The following SVIL variants were observed in gnomAD, a reference collection of about 807,000 sequenced individuals.
The protein encoded by SVIL is archvillin.
Under a neutral mutation model 240.4 loss-of-function variants are expected in SVIL, and 101 were observed. The observed-to-expected ratio is 0.42, with a 90% CI of 0.36 to 0.50. The LOEUF (loss-of-function observed/expected upper bound fraction) is 0.50, where lower values mean the gene tolerates loss of function less well. Among genes scored for constraint, SVIL ranks in the 20% least tolerant of loss-of-function variants. The probability of loss-of-function intolerance (pLI) is 0.01; values close to 1 mark genes in which losing one functional copy is unlikely to be tolerated. For synonymous variants in SVIL, 999 were observed against 1,100.0 expected (o/e 0.91, Z 1.82); for missense variants, 2,512 against 2,818.7 (o/e 0.89, Z 2.46).
intron 1 of SVIL, among the ~76,000 whole-genome samples, chr10:29,596,102 C>A (rs187528293): frequency 6.6e-6 from 1 of 152,220 alleles, no homozygotes; most frequent in Non-Finnish European, 1.5e-5. Flanking sequence ...TTCTCCTTCA[C>A]GAGGATTCCT....
chr10:29,642,263 G>A (rs1262672401), intron 3 of SVIL, among the ~76,000 whole-genome samples: 1 of 152,016 alleles, frequency 6.6e-6, no homozygotes, highest in African/African-American at 2.4e-5. Context: ...GTCAGGTATG[G>A]TGGCTCGAGC....
chr10:29,689,360 C>T (rs922138053), intron 1 of SVIL, among the ~76,000 whole-genome samples: 3 of 152,162 alleles, frequency 2.0e-5, no homozygotes, highest in Non-Finnish European at 4.4e-5. Context: ...TCTCAGCTCT[C>T]TGCAACCTCC....
At chr10:29,713,189 GAA>G (rs935970272) in intron 1 of SVIL, among the ~76,000 whole-genome samples, 1 of 132,592 alleles carries the variant, frequency 7.5e-6, no homozygotes, top group Non-Finnish European at 1.6e-5. Flanking sequence ...AAAGAAAAAA[GAA>G]AAAAAAAAAC....
intron 20 of SVIL, among the ~76,000 whole-genome samples, chr10:29,494,043 C>T (rs984570916): frequency 3.9e-5 from 6 of 152,036 alleles, no homozygotes; most frequent in East Asian, 3.9e-4. Context: ...TGGTGGTGCA[C>T]GCCCATAGTC....
Position 29,522,653 on chromosome 10 carries a change from AAC to A in SVIL, c.3164-20_3164-19del, listed in dbSNP as rs1950636858. 6.2e-7 allele frequency: 1 copy of A among 1,611,088 alleles called. No individual in the cohort carries two copies. Reference sequence around the variant, plus strand: ...CTCTGCCGCTGGGAAGGAAAAGAGCAACATCAGCACTGAACTCCTCAGGCAAA... The same window carrying A: ...CTCTGCCGCTGGGAAGGAAAAGAGCAATCAGCACTGAACTCCTCAGGCAAA... On this transcript the variant is annotated intron_variant, in intron 15 of 37. Coordinates refer to ENST00000355867, the MANE Select transcript of SVIL (RefSeq NM_021738.3).
intron 29 of SVIL, among the ~76,000 whole-genome samples, chr10:29,478,915 A>C: frequency 8.3e-6 from 1 of 119,990 alleles, no homozygotes; most frequent in Admixed American, 9.4e-5. Flanking sequence ...ACAGAGTGAA[A>C]CCCTGTCTCA....
chr10:29,700,468 CTTTTTTTT>C (rs71281545), intron 1 of SVIL, among the ~76,000 whole-genome samples: 4 of 113,110 alleles, frequency 3.5e-5, no homozygotes, highest in Admixed American at 3.2e-4. Flanking sequence ...TTACTATTTC[CTTTTTTTT>C]TTTTTTTTTT....
intron 34 of SVIL, among the ~76,000 whole-genome samples, chr10:29,464,756 A>G (rs1198302742): frequency 2.0e-5 from 3 of 151,614 alleles, no homozygotes; most frequent in African/African-American, 7.3e-5. Flanking sequence ...TGCTGCCCTG[A>G]GATCCCGGTG....
At position 29,471,189 on chromosome 10, in the gene SVIL, C is replaced by G. The variant is rs778966626; in HGVS notation, c.5584G>C (p.Gly1862Arg). 1.2e-6 allele frequency: 2 copies of G among 1,613,934 alleles called. No individual in the cohort carries two copies. The highest frequency in any genetic ancestry group is 1.7e-6 in the Non-Finnish European group (2 of 1,179,932). Residue 1862 changes from glycine to arginine, a missense_variant, in exon 31 of 38, where the codon GGG (glycine) becomes CGG (arginine). Physicochemically the swap from Gly to Arg is moderately radical, Grantham distance 125. This residue lies in a region of SVIL where 797 missense variants were observed against 925.3 expected (regional missense o/e 0.86). Coordinates refer to ENST00000355867, the MANE Select transcript of SVIL (RefSeq NM_021738.3). ...PPCFLQCFQG[G>R]MVVHSGRREE... ...CGCCTCCCCGAGTGCACCACCATCC[C>G]CCCCTGGAAACACTGCAGGAAACAG...
At chr10:29,580,298 T>C (rs764728206) in intron 1 of SVIL, among the ~76,000 whole-genome samples, 3 of 152,106 alleles carry the variant, frequency 2.0e-5, no homozygotes, top group Non-Finnish European at 4.4e-5. Flanking sequence ...CAGTGAGCTA[T>C]GATCACGCCA....
chr10:29,490,495 C>T (rs535199757), intron 22 of SVIL, among the ~76,000 whole-genome samples: 1 of 151,486 alleles, frequency 6.6e-6, no homozygotes, highest in African/African-American at 2.4e-5. Flanking sequence ...TGCCTGTAAT[C>T]CCAGCACTTT....
chr10:29,579,298 TG>T (rs1564666305), intron 1 of SVIL, among the ~76,000 whole-genome samples: 1 of 151,664 alleles, frequency 6.6e-6, no homozygotes, highest in African/African-American at 2.4e-5. Context: ...ATTAGCTGGG[TG>T]TGGTGGCGGG....
In SVIL at chr10:29,592,609, A is replaced by T. The variant is rs572295121; in HGVS notation, c.-200-23297T>A. On this transcript the variant is annotated intron_variant, in intron 1 of 37. Coordinates refer to ENST00000355867, the MANE Select transcript of SVIL (RefSeq NM_021738.3). ...GCATGGACTCTGACAGTTACGTAGG[A>T]AGGGGAGGAGCATTTTCCAGACCCA... Among the ~76,000 whole-genome samples, 3 of 152,336 alleles carry T rather than the reference A, an allele frequency of 2.0e-5. No individual in the cohort carries two copies. In the South Asian group the frequency reaches 6.2e-4, roughly 32 times the overall value.
chr10:29,681,315 C>T (rs976183100), intron 2 of SVIL, among the ~76,000 whole-genome samples: 1 of 151,594 alleles, frequency 6.6e-6, no homozygotes, highest in East Asian at 1.9e-4. Context: ...GAATGACAGC[C>T]CAGGGAATAG....
intron 36 of SVIL, among the ~76,000 whole-genome samples, chr10:29,460,783 G>A (rs1277176757): frequency 1.3e-5 from 2 of 152,166 alleles, no homozygotes; most frequent in Admixed American, 6.5e-5. Context: ...GTGTGTGCTT[G>A]TAGTCCCAGC....
intron 36 of SVIL, 170 bp from the exon 37 acceptor site, chr10:29,458,759 C>CAGACAA: frequency 3.5e-6 from 2 of 576,680 alleles, no homozygotes; most frequent in African/African-American, 1.9e-5. Context: ...CGCCCAAAGC[C>CAGACAA]CTGCAGTTGT....
intron 1 of SVIL, among the ~76,000 whole-genome samples, chr10:29,602,060 C>T (rs933517328): frequency 6.6e-6 from 1 of 152,012 alleles, no homozygotes; most frequent in Admixed American, 6.6e-5. Flanking sequence ...AAAGATTTGG[C>T]AGTGATCTTT....
At chr10:29,546,344 A>T (rs7904687) in intron 6 of SVIL, among the ~76,000 whole-genome samples, 1 of 152,014 alleles carries the variant, frequency 6.6e-6, no homozygotes, top group South Asian at 2.1e-4. Flanking sequence ...TTTCTACTTC[A>T]CCTATTTCGT....
chr10:29,721,236 A>G, intron 1 of SVIL, among the ~76,000 whole-genome samples: 1 of 91,702 alleles, frequency 1.1e-5, no homozygotes, highest in Non-Finnish European at 2.7e-5. Flanking sequence ...GAATCATTAC[A>G]AAAACAAACA....
Sources: gnomAD v4.1 joint callset for allele counts (sites outside exome capture counted in the v4.1 genomes callset) on GRCh38, gnomAD v4.1.1 for gene constraint, gnomAD v4.1.1 regional missense constraint, MANE v1.5 for transcripts, NCBI Gene and HGNC (gene_info 2026-07-23, HGNC 2026-07-21) for gene names.